The following KDM2A variants were observed in gnomAD, a reference collection of about 807,000 sequenced individuals.
KDM2A encodes the protein lysine demethylase 2A, also known as lysine-specific demethylase 2A.
Under a neutral mutation model 137.3 loss-of-function variants are expected in KDM2A, and 3 were observed. The observed-to-expected ratio is 0.02, with a 90% CI of 0.01 to 0.06. The LOEUF is 0.06. Among genes scored for constraint, KDM2A ranks in the 10% least tolerant of loss-of-function variants. The pLI is 1.00. For missense variants in KDM2A, 738 were observed against 1,510.6 expected, an observed-to-expected ratio of 0.49 and a Z score of 8.48; for synonymous variants, 512 against 541.5, an observed-to-expected ratio of 0.95 and a Z score of 0.76.
intron 5 of KDM2A, among the ~76,000 whole-genome samples, chr11:67,188,135 G>A (rs953239070): frequency 2.6e-5 from 4 of 152,128 alleles, no homozygotes; most frequent in African/African-American, 9.7e-5. Flanking sequence ...AGGCTGTTCT[G>A]ATCACACCAC....
chr11:67,180,617 G>A (rs1047749171), intron 3 of KDM2A, among the ~76,000 whole-genome samples: 1 of 152,048 alleles, frequency 6.6e-6, no homozygotes, highest in South Asian at 2.1e-4. Context: ...TGACAAGGAT[G>A]TCATATATGT....
intron 2 of KDM2A, among the ~76,000 whole-genome samples, chr11:67,137,634 A>G (rs554480611): frequency 1.6e-4 from 24 of 152,318 alleles, no homozygotes; most frequent in African/African-American, 5.5e-4. Flanking sequence ...GAAATAGGGT[A>G]CACTGAAGGA....
In KDM2A at chr11:67,254,508, C is replaced by A; in HGVS notation, c.3307+90C>A. 1 of 1,119,078 alleles carries A rather than the reference C, an allele frequency of 8.9e-7. No individual in the cohort carries two copies. The highest frequency in any genetic ancestry group is 1.5e-5 in the African/African-American group (1 of 65,604). 69.3% of individuals were successfully genotyped at this position (1,119,078 alleles called of 1,614,324 possible). A position where few individuals can be genotyped will look rare whatever the true frequency, so the allele number is the denominator to read the frequency against. On this transcript the variant is annotated intron_variant, in intron 20 of 20. Transcript: ENST00000529006. The surrounding 1 kb of genome is among the most constrained non-coding windows in gnomAD (Gnocchi z 4.7). ...TCAGTAAACCAGAATGACCTTGGGTCTGTTGATTGACCCACATCAGCTCAT... is the reference window on the plus strand; with the variant it reads ...TCAGTAAACCAGAATGACCTTGGGTATGTTGATTGACCCACATCAGCTCAT...
chr11:67,192,482 G>C (rs1184256580), intron 5 of KDM2A, among the ~76,000 whole-genome samples: 1 of 102,162 alleles, frequency 9.8e-6, no homozygotes, highest in Non-Finnish European at 1.6e-5. Flanking sequence ...ATCTCTCTTG[G>C]TGCCCTGACT....
chr11:67,203,336 G>T (rs1857699157), intron 5 of KDM2A, among the ~76,000 whole-genome samples: 1 of 151,068 alleles, frequency 6.6e-6, no homozygotes, highest in South Asian at 2.1e-4. Context: ...TTGCTTTATT[G>T]CAATGATCTG....
At chr11:67,236,767 C>G (rs1858883498) in intron 12 of KDM2A, among the ~76,000 whole-genome samples, 1 of 152,070 alleles carries the variant, frequency 6.6e-6, no homozygotes, top group South Asian at 2.1e-4. Context: ...ATTATTACAG[C>G]CAGAAAAAAG....
intron 2 of KDM2A, among the ~76,000 whole-genome samples, chr11:67,125,902 C>T (rs1042101969): frequency 1.2e-4 from 17 of 143,320 alleles, no homozygotes; most frequent in African/African-American, 3.9e-4. Flanking sequence ...GAGATTGCAC[C>T]ATTGCACTCC....
At chr11:67,213,089 C>G (rs1435871418) in intron 6 of KDM2A, among the ~76,000 whole-genome samples, 1 of 152,168 alleles carries the variant, frequency 6.6e-6, no homozygotes, top group Non-Finnish European at 1.5e-5. Flanking sequence ...TGCTCCTCAT[C>G]TTGTTTGTTT....
chr11:67,148,527 G>A lies in KDM2A; in HGVS notation c.42+27169G>A, dbSNP rs184173344. 2.6e-4 allele frequency among the ~76,000 whole-genome samples: 39 copies of A among 152,166 alleles called. No homozygotes were observed. The East Asian group carries it at 6.0e-3, about 23-fold the overall frequency. ...TCAGAAACAAGTAATCCGGCCGGGCGTGGTGGCTCATGCCTGTAATCCCAG... is the reference window on the plus strand; with the variant it reads ...TCAGAAACAAGTAATCCGGCCGGGCATGGTGGCTCATGCCTGTAATCCCAG... On this transcript the variant is annotated intron_variant, in intron 2 of 20. Transcript: ENST00000529006.
At chr11:67,195,369 C>CAAAAAAAA (rs34494813) in intron 5 of KDM2A, among the ~76,000 whole-genome samples, 1 of 65,224 alleles carries the variant, frequency 1.5e-5, no homozygotes, top group Non-Finnish European at 2.5e-5. Context: ...ACTCCGTCTC[C>CAAAAAAAA]AAAAAAAAAA....
rs192197302 is a variant in KDM2A at position 67,192,958 on chromosome 11, G to A, written c.307+11066G>A. Among the ~76,000 whole-genome samples, 4 of 152,220 alleles carry A rather than the reference G, an allele frequency of 2.6e-5. No individual in the cohort carries two copies. The East Asian group carries it at 7.7e-4, about 29-fold the overall frequency. ...TTGTTCCATATTCACTCAAATACTT[G>A]ATATTATGAGATATTCATTTATTTT... On this transcript the variant is annotated intron_variant, in intron 5 of 20. Coordinates refer to ENST00000529006, the MANE Select transcript of KDM2A (RefSeq NM_012308.3).
At chr11:67,253,246 G>C (rs1282001496) in intron 18 of KDM2A, among the ~76,000 whole-genome samples, 1 of 152,168 alleles carries the variant, frequency 6.6e-6, no homozygotes, top group Non-Finnish European at 1.5e-5. Flanking sequence ...GTATTGCTCT[G>C]GTGGGAACTA....
Position 67,188,562 on chromosome 11 carries a change from G to A in KDM2A, c.307+6670G>A, listed in dbSNP as rs998058271. ...AATCCCAACTTTGGGAGGCCAAGGC[G>A]GGAAGATTGCTTAAGCCCAGGAGTT... On this transcript the variant is annotated intron_variant, in intron 5 of 20. Coordinates refer to ENST00000529006, the MANE Select transcript of KDM2A (RefSeq NM_012308.3). 4.0e-5 allele frequency among the ~76,000 whole-genome samples: 6 copies of A among 151,128 alleles called. No homozygotes were observed. In the South Asian group the frequency reaches 6.3e-4, roughly 16 times the overall value.
chr11:67,254,595 G>C lies in KDM2A; in HGVS notation c.3307+177G>C. Reference sequence around the variant, plus strand: ...CTTTTTTAACTGATGGGGGACTGAGGCCTTGAGTAGTTAAGTCGGTTGCCT... The same window carrying C: ...CTTTTTTAACTGATGGGGGACTGAGCCCTTGAGTAGTTAAGTCGGTTGCCT... On this transcript the variant is annotated intron_variant, in intron 20 of 20. Coordinates refer to ENST00000529006, the MANE Select transcript of KDM2A (RefSeq NM_012308.3). The surrounding 1 kb of genome is among the most constrained non-coding windows in gnomAD (Gnocchi z 4.7). 1.5e-6 allele frequency: 1 copy of C among 662,074 alleles called. No individual in the cohort carries two copies. The highest frequency in any genetic ancestry group is 2.6e-6 in the Non-Finnish European group (1 of 383,878). 41.0% of individuals were successfully genotyped at this position (662,074 alleles called of 1,614,324 possible).
chr11:67,128,088 G>A (rs1225391341), intron 2 of KDM2A, among the ~76,000 whole-genome samples: 1 of 144,942 alleles, frequency 6.9e-6, no homozygotes, highest in Non-Finnish European at 1.5e-5. Flanking sequence ...TACCACTGCA[G>A]CATCAGCCTC....
At chr11:67,227,935 A>G (rs964401724) in intron 10 of KDM2A, 102 bp from the exon 11 acceptor site, 21 of 1,227,344 alleles carry the variant, frequency 1.7e-5, no homozygotes, top group Non-Finnish European at 2.2e-5. Context: ...TTGCAGGTTG[A>G]CTGGTGAGAG....
At chr11:67,152,905 AGTGTGTGTGTGTGTGTGTGT>A (rs146532672) in intron 2 of KDM2A, among the ~76,000 whole-genome samples, 196 of 142,728 alleles carry the variant, frequency 1.4e-3, no homozygotes, top group African/African-American at 2.3e-3. Flanking sequence ...ACAGTGCCAG[AGTGTGTGTGTGTGTGTGTGT>A]GTGTGTGTGT....
At chr11:67,248,725 C>T in intron 16 of KDM2A, 1 of 204,334 alleles carries the variant, frequency 4.9e-6, no homozygotes, top group Non-Finnish European at 1.0e-5. Flanking sequence ...GAGGCAGTGG[C>T]CTGAGGCAGC....
In KDM2A at chr11:67,138,764, A is replaced by G. The variant is rs1012100535; in HGVS notation, c.42+17406A>G. Among the ~76,000 whole-genome samples, 8 of 152,272 alleles carry G rather than the reference A, an allele frequency of 5.3e-5. No individual in the cohort carries two copies. In the South Asian group the frequency reaches 1.7e-3, roughly 32 times the overall value. ...CCACTACATTCTTGGATCCTACCCC[A>G]AACGTACTGAATCAGAAAGTCTGGC... On this transcript the variant is annotated intron_variant, in intron 2 of 20. Coordinates refer to ENST00000529006, the MANE Select transcript of KDM2A (RefSeq NM_012308.3).
Sources: gnomAD v4.1 joint callset for allele counts (sites outside exome capture counted in the v4.1 genomes callset) on GRCh38, gnomAD v4.1.1 for gene constraint, Gnocchi (gnomAD v3.1) non-coding constraint, MANE v1.5 for transcripts, NCBI Gene and HGNC (gene_info 2026-07-23, HGNC 2026-07-21) for gene names.